KCTD16: variants seen among roughly 807,000 people sequenced by gnomAD.
KCTD16 encodes potassium channel tetramerization domain containing 16, also known as BTB/POZ domain-containing protein KCTD16.
Under a neutral mutation model 33.2 loss-of-function variants are expected in KCTD16, and 13 were observed. The observed-to-expected ratio is 0.39, with a 90% CI of 0.25 to 0.62. The LOEUF is 0.62. Among genes scored for constraint, KCTD16 ranks in the 20% least tolerant of loss-of-function variants. The pLI is 0.50. For synonymous variants in KCTD16, 197 were observed against 195.3 expected (o/e 1.01, Z -0.07); for missense variants, 441 against 525.1 (o/e 0.84, Z 1.57).
At chr5:144,447,768 T>C (rs536133106) in intron 3 of KCTD16, among the ~76,000 whole-genome samples, 1 of 152,196 alleles carries the variant, frequency 6.6e-6, no homozygotes, top group African/African-American at 2.4e-5. Context: ...ACTTCCATGC[T>C]TTACAAATAA....
chr5:144,270,129 C>A (rs1378749835), intron 3 of KCTD16, among the ~76,000 whole-genome samples: 1 of 151,904 alleles, frequency 6.6e-6, no homozygotes, highest in Non-Finnish European at 1.5e-5. Flanking sequence ...AGAAGGAAAT[C>A]TTTCCTTATC....
intron 2 of KCTD16, among the ~76,000 whole-genome samples, chr5:144,182,812 T>G (rs1466165868): frequency 6.6e-6 from 1 of 152,190 alleles, no homozygotes; most frequent in Admixed American, 6.5e-5. Context: ...AGAAAAAGTT[T>G]CTTAAGATTA....
chr5:144,225,225 C>G (rs988197942), intron 3 of KCTD16, among the ~76,000 whole-genome samples: 4 of 152,004 alleles, frequency 2.6e-5, no homozygotes, highest in Non-Finnish European at 5.9e-5. Flanking sequence ...CTTAACATGG[C>G]TGATTTTTTT....
rs1251054117 is a variant in KCTD16 at position 144,484,486 on chromosome 5, T to A, written c.*10372T>A. 1 of 151,918 alleles carries A rather than the reference T, an allele frequency of 6.6e-6. No homozygotes were observed. The highest frequency in any genetic ancestry group is 2.4e-5 in the African/African-American group (1 of 41,412). The allele number at this position is 151,918 out of a possible 1,614,324, so 9.4% of individuals were successfully genotyped here. A position where few individuals can be genotyped will look rare whatever the true frequency, so the allele number is the denominator to read the frequency against. On this transcript the variant is annotated 3_prime_UTR_variant, in exon 4 of 4. Coordinates refer to ENST00000512467, the MANE Select transcript of KCTD16 (RefSeq NM_020768.4). ...GGGTCGAACCTAACCCACAAAATAA[T>A]TCGTCCAAATTAAATTGACTTTTTT...
chr5:144,314,073 C>G (rs760967614), intron 3 of KCTD16, among the ~76,000 whole-genome samples: 2 of 151,978 alleles, frequency 1.3e-5, no homozygotes, highest in Non-Finnish European at 2.9e-5. Context: ...ATAGCTAAAC[C>G]CTATTTACAA....
chr5:144,206,551 A>C lies in KCTD16; in HGVS notation c.-164A>C. 1.6e-6 allele frequency: 1 copy of C among 636,570 alleles called. No homozygotes were observed. Among genetic ancestry groups the C allele is most frequent in the East Asian group, 2.7e-5 (1 of 36,504 alleles). 39.4% of individuals were successfully genotyped at this position (636,570 alleles called of 1,614,324 possible). ...AGCATCACTTCACCTGTGGACTCTTATACATTTTGATTTCTTGGGGGAAAA... is the reference window on the plus strand; with the variant it reads ...AGCATCACTTCACCTGTGGACTCTTCTACATTTTGATTTCTTGGGGGAAAA... On this transcript the variant is annotated 5_prime_UTR_variant, in exon 3 of 4. Coordinates refer to ENST00000512467, the MANE Select transcript of KCTD16 (RefSeq NM_020768.4).
intron 3 of KCTD16, among the ~76,000 whole-genome samples, chr5:144,369,963 A>G (rs1017554585): frequency 2.6e-5 from 4 of 152,188 alleles, no homozygotes; most frequent in African/African-American, 7.2e-5. Flanking sequence ...AATGAAAAAG[A>G]AAATAGTAAG....
chr5:144,280,342 GT>G (rs907645691), intron 3 of KCTD16, among the ~76,000 whole-genome samples: 2 of 151,632 alleles, frequency 1.3e-5, no homozygotes, highest in South Asian at 2.1e-4. Flanking sequence ...ATAAATTAAA[GT>G]TTTTTTTTAA....
chr5:144,433,507 A>G (rs900861787), intron 3 of KCTD16, among the ~76,000 whole-genome samples: 2 of 152,126 alleles, frequency 1.3e-5, no homozygotes, highest in African/African-American at 4.8e-5. Flanking sequence ...TAAAATGACC[A>G]ATTTTTTGAG....
intron 3 of KCTD16, among the ~76,000 whole-genome samples, chr5:144,223,332 TA>T (rs1753823738): frequency 6.6e-6 from 1 of 152,050 alleles, no homozygotes; most frequent in African/African-American, 2.4e-5. Flanking sequence ...AGTAGAAAGT[TA>T]AAAATATGTA....
intron 3 of KCTD16, among the ~76,000 whole-genome samples, chr5:144,445,621 T>A (rs1753802266): frequency 6.6e-6 from 1 of 152,046 alleles, no homozygotes; most frequent in South Asian, 2.1e-4. Context: ...GTTCAGGAAA[T>A]TTTTTAATTC....
intron 3 of KCTD16, among the ~76,000 whole-genome samples, chr5:144,330,231 G>C (rs2126890560): frequency 6.6e-6 from 1 of 152,028 alleles, no homozygotes; most frequent in South Asian, 2.1e-4. Context: ...CGACCAATAT[G>C]GTGAAACCCC....
intron 3 of KCTD16, among the ~76,000 whole-genome samples, chr5:144,449,016 A>T (rs1487467296): frequency 6.6e-6 from 1 of 151,936 alleles, no homozygotes; most frequent in Non-Finnish European, 1.5e-5. Context: ...AAAAATTGTT[A>T]CCTTTTTGTG....
At chr5:144,377,460 T>C (rs571574684) in intron 3 of KCTD16, among the ~76,000 whole-genome samples, 64 of 152,294 alleles carry the variant, frequency 4.2e-4, no homozygotes, top group African/African-American at 1.5e-3. Flanking sequence ...AGGAACTGCA[T>C]GTGACACTTA....
chr5:144,183,293 A>G (rs972657840), intron 2 of KCTD16, among the ~76,000 whole-genome samples: 5 of 152,198 alleles, frequency 3.3e-5, no homozygotes, highest in Admixed American at 3.3e-4. Flanking sequence ...ACATGGTCTC[A>G]AAATAAAATA....
chr5:144,222,981 T>C (rs1307241864), intron 3 of KCTD16, among the ~76,000 whole-genome samples: 1 of 152,206 alleles, frequency 6.6e-6, no homozygotes, highest in African/African-American at 2.4e-5. Flanking sequence ...GATGAGTTCA[T>C]GTCTTTTGTA....
At chr5:144,415,372 T>C (rs547846166) in intron 3 of KCTD16, among the ~76,000 whole-genome samples, 1 of 152,170 alleles carries the variant, frequency 6.6e-6, no homozygotes, top group African/African-American at 2.4e-5. Flanking sequence ...CATATTACCA[T>C]TAATGGAACC....
intron 3 of KCTD16, among the ~76,000 whole-genome samples, chr5:144,462,933 T>C (rs1227310652): frequency 6.6e-6 from 1 of 152,186 alleles, no homozygotes; most frequent in Non-Finnish European, 1.5e-5. Flanking sequence ...AGCAATCTTG[T>C]GAGGTTATGC....
At chr5:144,460,113 T>C (rs1754161587) in intron 3 of KCTD16, among the ~76,000 whole-genome samples, 1 of 152,190 alleles carries the variant, frequency 6.6e-6, no homozygotes, top group Non-Finnish European at 1.5e-5. Context: ...ATTACAGGCG[T>C]GAGCCACCGC....
Sources: allele counts gnomAD v4.1 joint callset (sites outside exome capture counted in the v4.1 genomes callset), GRCh38; gene constraint gnomAD v4.1.1; transcripts MANE v1.5; gene names NCBI Gene and HGNC (gene_info 2026-07-23, HGNC 2026-07-21).